SPATA13: variants seen among roughly 807,000 people sequenced by gnomAD.
SPATA13 encodes spermatogenesis-associated protein 13.
Under a neutral mutation model 104.0 loss-of-function variants are expected in SPATA13, and 50 were observed. That is an observed-to-expected ratio of 0.48 (90% CI 0.38 to 0.61). The LOEUF (loss-of-function observed/expected upper bound fraction) is 0.61, where lower values mean the gene tolerates loss of function less well. Ranked by LOEUF, SPATA13 falls within the 20% of genes least tolerant of loss-of-function variation. The pLI, the probability that SPATA13 is intolerant of heterozygous loss-of-function variation, is 0.00. For synonymous variants in SPATA13, 606 were observed against 667.5 expected (o/e 0.91, Z 1.42); for missense variants, 1,524 against 1,690.6 (o/e 0.90, Z 1.73).
In SPATA13 at chr13:24,222,912, T is replaced by A. The variant is rs532161376; in HGVS notation, c.-18T>A. The A allele has an allele frequency of 1.3e-4, 204 of 1,550,454 alleles. 1 individual carries two copies. The highest frequency in any genetic ancestry group is 1.6e-4 in the Non-Finnish European group (188 of 1,146,404). ...AGGCCTGGAGCTGCGGTCTGCGGAC[T>A]CGGCAGTGCCCGTGGCCATGACCCA... On this transcript the variant is annotated 5_prime_UTR_variant, in exon 2 of 13. Transcript: ENST00000382108.
intron 1 of SPATA13, among the ~76,000 whole-genome samples, chr13:24,201,588 G>A (rs111618453): frequency 0.21 from 32,174 of 151,802 alleles, 3,965 homozygotes; most frequent in South Asian, 0.3. Flanking sequence ...TTACAGGTGC[G>A]TGCCACCACA....
intron 3 of SPATA13, among the ~76,000 whole-genome samples, chr13:24,028,864 C>G (rs755766274): frequency 1.3e-5 from 2 of 151,856 alleles, no homozygotes; most frequent in Non-Finnish European, 2.9e-5. Context: ...TTTTATGTTT[C>G]TGGTCATTTC....
intron 4 of SPATA13, among the ~76,000 whole-genome samples, chr13:24,278,391 T>C (rs1440069352): frequency 6.6e-6 from 1 of 152,168 alleles, no homozygotes; most frequent in Non-Finnish European, 1.5e-5. Flanking sequence ...CTTAAATCAG[T>C]GCCTAGCACA....
At chr13:24,198,606 C>G (rs1870222586) in intron 1 of SPATA13, among the ~76,000 whole-genome samples, 1 of 152,204 alleles carries the variant, frequency 6.6e-6, no homozygotes. Flanking sequence ...CAGTTTACAT[C>G]AGTTTCTAGA....
intron 3 of SPATA13, among the ~76,000 whole-genome samples, chr13:24,060,882 T>C (rs1290477251): frequency 6.6e-6 from 1 of 152,078 alleles, no homozygotes; most frequent in Non-Finnish European, 1.5e-5. Context: ...CTACTAAAAA[T>C]ACAAAAATTA....
In SPATA13 at chr13:24,305,642, C is replaced by A. The variant is rs1877532051; in HGVS notation, c.*2869C>A. The A allele has an allele frequency of 6.6e-6, 1 of 152,210 alleles. No individual in the cohort carries two copies. The highest frequency in any genetic ancestry group is 2.1e-4 in the South Asian group (1 of 4,834). 9.4% of individuals were successfully genotyped at this position (152,210 alleles called of 1,614,324 possible). On this transcript the variant is annotated 3_prime_UTR_variant, in exon 13 of 13. Transcript: ENST00000382108. ...TGAATTTCATTGGGAATCTTGCTCT[C>A]TCCCGCCTCTATGCCTTTCTCTCTT...
At chr13:24,287,364 C>T (rs542013341) in intron 7 of SPATA13, among the ~76,000 whole-genome samples, 11 of 152,260 alleles carry the variant, frequency 7.2e-5, no homozygotes, top group Admixed American at 4.6e-4. Context: ...GGTCTCACTG[C>T]GTTGCCGAGG....
intron 3 of SPATA13, among the ~76,000 whole-genome samples, chr13:24,050,467 T>C (rs1467452310): frequency 2.0e-5 from 3 of 152,028 alleles, no homozygotes; most frequent in East Asian, 3.9e-4. Flanking sequence ...CCTCATGCTG[T>C]ATAGGATTCG....
intron 10 of SPATA13, among the ~76,000 whole-genome samples, chr13:24,296,517 C>T (rs1260058762): frequency 6.6e-6 from 1 of 152,138 alleles, no homozygotes; most frequent in African/African-American, 2.4e-5. Flanking sequence ...GACAATTTAT[C>T]GTCTGGCCTT....
intron 10 of SPATA13, among the ~76,000 whole-genome samples, chr13:24,295,157 A>G (rs903378848): frequency 6.6e-5 from 10 of 152,164 alleles, no homozygotes; most frequent in African/African-American, 2.4e-4. Context: ...AGTAGAGGGC[A>G]TTTCAGTTGC....
intron 3 of SPATA13, among the ~76,000 whole-genome samples, chr13:24,031,861 A>G (rs1464360397): frequency 1.3e-5 from 2 of 152,228 alleles, no homozygotes; most frequent in Non-Finnish European, 2.9e-5. Flanking sequence ...TCTGTGTACC[A>G]TATTTACAAG....
intron 1 of SPATA13, among the ~76,000 whole-genome samples, chr13:24,179,300 G>T (rs1390511894): frequency 6.6e-6 from 1 of 152,114 alleles, no homozygotes; most frequent in Non-Finnish European, 1.5e-5. Context: ...CCTATGCGTG[G>T]CATTGCTGAG....
chr13:24,267,908 T>G (rs1456404100), intron 4 of SPATA13, among the ~76,000 whole-genome samples: 1 of 152,252 alleles, frequency 6.6e-6, no homozygotes, highest in Non-Finnish European at 1.5e-5. Flanking sequence ...TTCTGAAACC[T>G]GAATGTGCAT....
intron 1 of SPATA13, among the ~76,000 whole-genome samples, chr13:24,174,949 GT>G (rs1331315344): frequency 6.6e-6 from 1 of 152,170 alleles, no homozygotes; most frequent in East Asian, 1.9e-4. Flanking sequence ...ATATCCAGAT[GT>G]TTGGAGATTT....
chr13:24,019,282 G>A (rs886303020), intron 3 of SPATA13, among the ~76,000 whole-genome samples: 5 of 151,580 alleles, frequency 3.3e-5, no homozygotes, highest in African/African-American at 1.2e-4. Context: ...TAGAGACGGG[G>A]TTTCACCGTT....
Position 24,189,783 on chromosome 13 carries a change from A to C in SPATA13, c.-112+28851A>C, listed in dbSNP as rs1869452776. On this transcript the variant is annotated intron_variant, in intron 1 of 12. Coordinates refer to ENST00000382108, the MANE Select transcript of SPATA13 (RefSeq NM_001166271.3). ...TATATAATATATTATAAATATATTT[A>C]TAATATAATAAATATATATTTATAT... Among the ~76,000 whole-genome samples the C allele has an allele frequency of 8.8e-5, 2 of 22,776 alleles. 1 individual carries two copies. Among genetic ancestry groups the C allele is most frequent in the South Asian group, 3.5e-3 (2 of 564 alleles). 14.9% of individuals were successfully genotyped at this position (22,776 alleles called of 152,430 possible).
chr13:24,160,211 G>T (rs1484432797), upstream of SPATA13, among the ~76,000 whole-genome samples: 1 of 152,228 alleles, frequency 6.6e-6, no homozygotes, highest in Non-Finnish European at 1.5e-5. Context: ...GCCCTGGGGG[G>T]TGGGGGCTGG....
chr13:24,224,273 C>T lies in SPATA13; in HGVS notation c.1344C>T (p.Asn448=), dbSNP rs993425314. Residue 448 remains asparagine, a synonymous_variant, in exon 2 of 13, where the codon AAC becomes AAT. Transcript: ENST00000382108. ...TGAGCAAAGACTCCTGTGACCCAAA[C>T]GCTGGCAGCCAGTTGACATTTGACC... ...DVLSKDSCDP[N]AGSQLTFDPE... 3.9e-5 allele frequency: 61 copies of T among 1,551,734 alleles called. No individual in the cohort carries two copies. Among genetic ancestry groups the T allele is most frequent in the Non-Finnish European group, 4.7e-5 (54 of 1,147,004 alleles).
At chr13:24,265,442 T>G (rs887971827) in intron 4 of SPATA13, among the ~76,000 whole-genome samples, 2 of 152,226 alleles carry the variant, frequency 1.3e-5, no homozygotes, top group Admixed American at 1.3e-4. Context: ...TTTAGGGGAA[T>G]GGACATTGGC....
Sources: gnomAD v4.1 joint callset for allele counts (sites outside exome capture counted in the v4.1 genomes callset) on GRCh38, gnomAD v4.1.1 for gene constraint, MANE v1.5 for transcripts, NCBI Gene and HGNC (gene_info 2026-07-23, HGNC 2026-07-21) for gene names.